The following IMMP2L variants were observed in gnomAD, a reference collection of about 807,000 sequenced individuals.
IMMP2L encodes inner mitochondrial membrane peptidase subunit 2, also known as mitochondrial inner membrane protease subunit 2.
IMMP2L carries 18 observed loss-of-function variants against 19.3 expected under a neutral mutation model. That is an observed-to-expected ratio of 0.93 (90% CI 0.64 to 1.38). The LOEUF (loss-of-function observed/expected upper bound fraction) is 1.38, where lower values mean the gene tolerates loss of function less well. Ranked by LOEUF, IMMP2L falls within the 40% of genes most tolerant of loss-of-function variation. IMMP2L has a pLI of 0.00. For synonymous variants in IMMP2L, 76 were observed against 73.0 expected (o/e 1.04, Z -0.21); for missense variants, 233 against 218.2 (o/e 1.07, Z -0.43).
At chr7:110,701,193 A>C (rs978649528) in intron 5 of IMMP2L, among the ~76,000 whole-genome samples, 3 of 152,146 alleles carry the variant, frequency 2.0e-5, no homozygotes, top group Non-Finnish European at 2.9e-5. Flanking sequence ...AACCTATCAT[A>C]GTGTAGTTTT....
At chr7:110,773,229 C>A (rs572523631) in intron 5 of IMMP2L, among the ~76,000 whole-genome samples, 1 of 152,094 alleles carries the variant, frequency 6.6e-6, no homozygotes, top group African/African-American at 2.4e-5. Context: ...AAATGTTGAA[C>A]CTTTCGATGT....
In IMMP2L at chr7:111,328,574, G is replaced by A. The variant is rs908914997; in HGVS notation, c.239+158664C>T. On this transcript the variant is annotated intron_variant, in intron 3 of 5. Transcript: ENST00000405709. ...ATTTTACAAGCCCCAATACAGCAAGGCTTAGAATTAGTTATAAAAACTAGA... is the reference window on the plus strand; with the variant it reads ...ATTTTACAAGCCCCAATACAGCAAGACTTAGAATTAGTTATAAAAACTAGA... Among the ~76,000 whole-genome samples the A allele has an allele frequency of 2.0e-5, 3 of 151,980 alleles. No individual in the cohort carries two copies. The East Asian group carries it at 5.8e-4, about 29-fold the overall frequency.
chr7:110,699,690 C>A (rs748931615), intron 5 of IMMP2L, among the ~76,000 whole-genome samples: 1 of 151,342 alleles, frequency 6.6e-6, no homozygotes, highest in Admixed American at 6.6e-5. Flanking sequence ...ATCACTTGAA[C>A]CCAGGAGGCG....
Position 111,368,115 on chromosome 7 carries a change from T to C in IMMP2L, c.239+119123A>G, listed in dbSNP as rs556779896. Reference sequence around the variant, plus strand: ...ATTTTATAAATATTGAATATGCTTATATGGAAAATGCTGGTTATATTGGAT... The same window carrying C: ...ATTTTATAAATATTGAATATGCTTACATGGAAAATGCTGGTTATATTGGAT... On this transcript the variant is annotated intron_variant, in intron 3 of 5. Coordinates refer to ENST00000405709, the MANE Select transcript of IMMP2L (RefSeq NM_032549.4). Among the ~76,000 whole-genome samples the C allele has an allele frequency of 1.6e-4, 24 of 151,988 alleles. 1 individual carries two copies. In the South Asian group the frequency reaches 1.9e-3, roughly 12 times the overall value.
chr7:111,407,809 CAT>C (rs1395186644), intron 3 of IMMP2L, among the ~76,000 whole-genome samples: 1 of 151,850 alleles, frequency 6.6e-6, no homozygotes, highest in Non-Finnish European at 1.5e-5. Flanking sequence ...ATGTAAATTA[CAT>C]ATAAATAAAG....
rs530362315 is a variant in IMMP2L at position 110,801,636 on chromosome 7, C to T, written c.408+84957G>A. ...AGAATGTGAAATCAACTTCACTCTTCAATCATTTCAGTTGTGAACCCTCTG... is the reference window on the plus strand; with the variant it reads ...AGAATGTGAAATCAACTTCACTCTTTAATCATTTCAGTTGTGAACCCTCTG... On this transcript the variant is annotated intron_variant, in intron 5 of 5. Transcript: ENST00000405709. Among the ~76,000 whole-genome samples the T allele has an allele frequency of 5.3e-5, 8 of 152,192 alleles. No individual in the cohort carries two copies. The East Asian group carries it at 1.6e-3, about 30-fold the overall frequency.
At chr7:110,879,629 C>G (rs1585117616) in intron 5 of IMMP2L, among the ~76,000 whole-genome samples, 1 of 152,000 alleles carries the variant, frequency 6.6e-6, no homozygotes, top group East Asian at 1.9e-4. Context: ...TTCTTGATAT[C>G]TAGTCATGTT....
At chr7:111,094,963 C>G (rs1797252467) in intron 3 of IMMP2L, among the ~76,000 whole-genome samples, 1 of 152,016 alleles carries the variant, frequency 6.6e-6, no homozygotes, top group African/African-American at 2.4e-5. Flanking sequence ...GACTTAATGT[C>G]CATCTCAAAT....
At chr7:110,746,689 GTTCT>G (rs1797367611) in intron 5 of IMMP2L, among the ~76,000 whole-genome samples, 1 of 152,104 alleles carries the variant, frequency 6.6e-6, no homozygotes, top group Non-Finnish European at 1.5e-5. Context: ...AAATAAACAT[GTTCT>G]TTGAAACCAG....
intron 5 of IMMP2L, among the ~76,000 whole-genome samples, chr7:110,840,699 G>C (rs966272362): frequency 5.3e-5 from 8 of 152,026 alleles, no homozygotes; most frequent in African/African-American, 1.9e-4. Flanking sequence ...TATAATTTGT[G>C]TATATGTAAC....
At chr7:111,126,648 C>T (rs141327456) in intron 3 of IMMP2L, among the ~76,000 whole-genome samples, 37 of 151,928 alleles carry the variant, frequency 2.4e-4, no homozygotes, top group Non-Finnish European at 4.6e-4. Context: ...AGGGAATATA[C>T]GGATTTCACT....
At chr7:111,379,677 C>A (rs543615774) in intron 3 of IMMP2L, among the ~76,000 whole-genome samples, 12 of 151,800 alleles carry the variant, frequency 7.9e-5, no homozygotes, top group African/African-American at 2.9e-4. Flanking sequence ...GTTTCAAGAT[C>A]CGAAAATTCC....
At chr7:110,844,373 T>C (rs534109795) in intron 5 of IMMP2L, among the ~76,000 whole-genome samples, 163 of 152,094 alleles carry the variant, frequency 1.1e-3, no homozygotes, top group African/African-American at 3.6e-3. Context: ...CTAGATCTTG[T>C]AAGGACATAA....
intron 3 of IMMP2L, among the ~76,000 whole-genome samples, chr7:111,050,839 T>A (rs1474144636): frequency 6.6e-6 from 1 of 152,224 alleles, no homozygotes; most frequent in Non-Finnish European, 1.5e-5. Flanking sequence ...GGAAAAGAAA[T>A]CAGAACTGGG....
intron 3 of IMMP2L, among the ~76,000 whole-genome samples, chr7:111,379,652 T>G (rs1831010795): frequency 6.6e-6 from 1 of 151,808 alleles, no homozygotes; most frequent in Non-Finnish European, 1.5e-5. Flanking sequence ...TAATGATACA[T>G]ATCTGAAGGC....
chr7:110,986,158 CAA>C (rs1400276506), intron 3 of IMMP2L, among the ~76,000 whole-genome samples: 4 of 152,072 alleles, frequency 2.6e-5, no homozygotes, highest in Non-Finnish European at 4.4e-5. Context: ...CATACAGTAT[CAA>C]TGATTCCATC....
At chr7:111,272,931 C>A (rs79516395) in intron 3 of IMMP2L, among the ~76,000 whole-genome samples, 1,765 of 152,124 alleles carry the variant, frequency 0.012, 35 homozygotes, top group African/African-American at 0.038. Flanking sequence ...GAGGAGGTGA[C>A]AATGGAGTCT....
At chr7:110,823,350 A>G (rs923917711) in intron 5 of IMMP2L, among the ~76,000 whole-genome samples, 1 of 152,056 alleles carries the variant, frequency 6.6e-6, no homozygotes, top group Non-Finnish European at 1.5e-5. Flanking sequence ...GTTTGTCTGT[A>G]TATGTTGATG....
intron 5 of IMMP2L, among the ~76,000 whole-genome samples, chr7:110,780,347 T>C (rs563636855): frequency 7.3e-5 from 11 of 151,518 alleles, no homozygotes; most frequent in Non-Finnish European, 1.6e-4. Flanking sequence ...TGTTACGGTT[T>C]ACACTGGTGC....
Sources: allele counts gnomAD v4.1 joint callset (sites outside exome capture counted in the v4.1 genomes callset), GRCh38; gene constraint gnomAD v4.1.1; transcripts MANE v1.5; gene names NCBI Gene and HGNC (gene_info 2026-07-23, HGNC 2026-07-21).